The following SLC7A14 variants were observed in gnomAD, a reference collection of about 807,000 sequenced individuals.
The protein encoded by SLC7A14 is solute carrier family 7 member 14, also known as gamma-aminobutyric acid transporter SLC7A14.
SLC7A14 carries 37 observed loss-of-function variants against 60.2 expected under a neutral mutation model. The ratio of observed to expected loss-of-function variants is 0.61; its 90% CI spans 0.47 to 0.81. The LOEUF is 0.81. Ranked by LOEUF, SLC7A14 falls within the 30% of genes least tolerant of loss-of-function variation. The pLI is 0.00. For missense variants in SLC7A14, 886 were observed against 982.7 expected (o/e 0.90, Z 1.32); for synonymous variants, 399 against 395.8 (o/e 1.01, Z -0.10).
intron 7 of SLC7A14, among the ~76,000 whole-genome samples, chr3:170,467,955 G>A (rs1205496138): frequency 6.6e-6 from 1 of 152,152 alleles, no homozygotes. Context: ...CTCACTAAAG[G>A]CGTGATATAT....
intron 1 of SLC7A14, among the ~76,000 whole-genome samples, chr3:170,570,959 C>G (rs1714937829): frequency 1.3e-5 from 2 of 152,006 alleles, no homozygotes; most frequent in Admixed American, 6.6e-5. Context: ...TGCATTGTAC[C>G]CAACAGGTGA....
rs1447487336 is a variant in SLC7A14 at position 170,526,660 on chromosome 3, T to C, written c.277A>G (p.Ile93Val). The part of the protein sequence containing the change: ...AGPGVIVSFI[I>V]AAVASILSGV... ...GATAATATGGATGCGACGGCTGCAA[T>C]GATGAAGGACACAATGACACCAGGT... is the stretch of plus-strand genomic sequence containing the variant. Residue 93 changes from isoleucine (I) to valine (V), a missense_variant, in exon 2 of 8, where the codon ATT (isoleucine) becomes GTT (valine). By Grantham distance (29) the Ile-to-Val change is conservative. Transcript: ENST00000231706. The C allele has an allele frequency of 3.7e-6, 6 of 1,614,182 alleles. No homozygotes were observed. The highest frequency in any genetic ancestry group is 5.1e-6 in the Non-Finnish European group (6 of 1,180,046).
chr3:170,530,918 C>T (rs990008928), intron 1 of SLC7A14, among the ~76,000 whole-genome samples: 1 of 152,198 alleles, frequency 6.6e-6, no homozygotes, highest in Non-Finnish European at 1.5e-5. Flanking sequence ...GTGGTAAATG[C>T]AGGTGGGCTT....
intron 7 of SLC7A14, among the ~76,000 whole-genome samples, chr3:170,467,741 G>A (rs186037608): frequency 4.6e-5 from 7 of 152,202 alleles, no homozygotes; most frequent in Non-Finnish European, 1.0e-4. Context: ...CCATGCTGAC[G>A]TCGGGCTCAT....
At position 170,512,654 on chromosome 3, in the gene SLC7A14, A is replaced by ATTTTTTTTTTT. The variant is rs71176570; in HGVS notation, c.305-11320_305-11310dup. On this transcript the variant is annotated intron_variant, in intron 2 of 7. Coordinates refer to ENST00000231706, the MANE Select transcript of SLC7A14 (RefSeq NM_020949.3). ...TATAGGGCACATGTGTACAATTTGC[A>ATTTTTTTTTTT]TTTTTTTTTTTTTTTTTTTTTTTTT... Among the ~76,000 whole-genome samples the ATTTTTTTTTTT allele has an allele frequency of 5.7e-4, 36 of 63,166 alleles. 9 individuals are homozygous for ATTTTTTTTTTT. The highest frequency in any genetic ancestry group is 8.9e-4 in the Non-Finnish European group (32 of 35,926). 41.4% of individuals were successfully genotyped at this position (63,166 alleles called of 152,430 possible).
chr3:170,498,714 C>T lies in SLC7A14; in HGVS notation c.712G>A (p.Gly238Arg), dbSNP rs141548910. ...AACTGGCCCTCCGCCCAGTATTTCC[C>T]ATTGATGAAGAAGAGGCCTGCGATC... ...IMIAGLFFIN[G>R]KYWAEGQFLP... Residue 238 changes from glycine (G) to arginine (R), a missense_variant, in exon 4 of 8, where the codon GGG becomes AGG. By Grantham distance (125) the Gly-to-Arg change is moderately radical (BLOSUM62 -2). Coordinates refer to ENST00000231706, the MANE Select transcript of SLC7A14 (RefSeq NM_020949.3). The T allele has an allele frequency of 5.0e-6, 8 of 1,614,154 alleles. No homozygotes were observed. Among genetic ancestry groups the T allele is most frequent in the East Asian group, 2.2e-5 (1 of 44,872 alleles).
intron 1 of SLC7A14, among the ~76,000 whole-genome samples, chr3:170,563,420 T>G (rs1714709437): frequency 1.7e-5 from 1 of 58,044 alleles, no homozygotes; most frequent in East Asian, 6.1e-4. Flanking sequence ...TTTGTTTGTT[T>G]TTTTTTTTTT....
chr3:170,570,536 G>A (rs1227905023), intron 1 of SLC7A14: 1 of 152,078 alleles, frequency 6.6e-6, no homozygotes. Context: ...TTCTAGGCTT[G>A]GTGCGGTTGG....
intron 6 of SLC7A14, among the ~76,000 whole-genome samples, 189 bp downstream of exon 6, chr3:170,483,125 G>T (rs1231710513): frequency 6.6e-6 from 1 of 152,118 alleles, no homozygotes; most frequent in African/African-American, 2.4e-5. Flanking sequence ...AGGGACTGCA[G>T]AGTTAAACTA....
At chr3:170,539,358 C>T (rs1287462376) in intron 1 of SLC7A14, among the ~76,000 whole-genome samples, 1 of 152,142 alleles carries the variant, frequency 6.6e-6, no homozygotes, top group Non-Finnish European at 1.5e-5. Context: ...TCCTGGGCCA[C>T]CTGAGCTAAA....
intron 1 of SLC7A14, among the ~76,000 whole-genome samples, chr3:170,541,904 A>G (rs570710847): frequency 3.2e-4 from 48 of 152,318 alleles, no homozygotes; most frequent in African/African-American, 8.9e-4. Flanking sequence ...CAAACAAAAC[A>G]CAGAAGCTCC....
intron 7 of SLC7A14, among the ~76,000 whole-genome samples, chr3:170,478,745 G>A (rs1711711649): frequency 6.6e-6 from 1 of 151,992 alleles, no homozygotes; most frequent in Non-Finnish European, 1.5e-5. Flanking sequence ...ACATACTGCG[G>A]GCACCCTGCT....
chr3:170,551,216 A>G (rs938866830), intron 1 of SLC7A14, among the ~76,000 whole-genome samples: 1 of 152,246 alleles, frequency 6.6e-6, no homozygotes, highest in Non-Finnish European at 1.5e-5. Context: ...GTTGTATCAC[A>G]TATCAGAACT....
rs574663858 is a variant in SLC7A14, at chr3:170,546,673, C to T, written c.-152-19585G>A. Among the ~76,000 whole-genome samples, 6 of 152,312 alleles carry T rather than the reference C, an allele frequency of 3.9e-5. No homozygotes were observed. The South Asian group carries it at 6.2e-4, about 16-fold the overall frequency. ...CCTCCTGGAGTAATCCCACTGTCAA[C>T]CCATGCTGGTCCCCTGTGCTCCGAC... On this transcript the variant is annotated intron_variant, in intron 1 of 7. Transcript: ENST00000231706.
rs566546565 is a variant in SLC7A14 at position 170,490,243 on chromosome 3, C to A, written c.760-3875G>T. Among the ~76,000 whole-genome samples, 7 of 152,262 alleles carry A rather than the reference C, an allele frequency of 4.6e-5. No homozygotes were observed. The East Asian group carries it at 1.3e-3, about 29-fold the overall frequency. ...ACGTACTAAGTACCCACAAAACAAA[C>A]CCAGAAAAACAGGTCCTGCTTTCTC... On this transcript the variant is annotated intron_variant, in intron 4 of 7. Transcript: ENST00000231706.
At chr3:170,568,247 A>C (rs1354848778) in intron 1 of SLC7A14, among the ~76,000 whole-genome samples, 3 of 152,094 alleles carry the variant, frequency 2.0e-5, no homozygotes, top group Admixed American at 1.3e-4. Context: ...TTTTCCCAGT[A>C]CCATTTATTA....
At chr3:170,522,441 G>A (rs1423515899) in intron 2 of SLC7A14, among the ~76,000 whole-genome samples, 9 of 152,048 alleles carry the variant, frequency 5.9e-5, no homozygotes, top group Non-Finnish European at 1.3e-4. Context: ...CCATACAATG[G>A]GATACTACTC....
intron 7 of SLC7A14, among the ~76,000 whole-genome samples, chr3:170,470,538 C>T (rs542198460): frequency 4.6e-5 from 7 of 152,180 alleles, no homozygotes; most frequent in South Asian, 2.1e-4. Context: ...AAACAAGAAA[C>T]GACCGTGTGC....
intron 2 of SLC7A14, among the ~76,000 whole-genome samples, chr3:170,516,922 C>G (rs754964781): frequency 1.3e-5 from 2 of 152,128 alleles, no homozygotes; most frequent in African/African-American, 2.4e-5. Context: ...CTCTTTGAGC[C>G]TGAGTTTTGT....
Sources: gnomAD v4.1 joint callset for allele counts (sites outside exome capture counted in the v4.1 genomes callset) on GRCh38, gnomAD v4.1.1 for gene constraint, MANE v1.5 for transcripts, NCBI Gene and HGNC (gene_info 2026-07-23, HGNC 2026-07-21) for gene names.